UNC13C: variants seen among roughly 807,000 people sequenced by gnomAD.
UNC13C encodes unc-13 homolog C.
A neutral mutation model predicts 245.4 loss-of-function variants in UNC13C; 174 were observed. The ratio of observed to expected loss-of-function variants is 0.71; its 90% CI spans 0.63 to 0.80. The LOEUF (loss-of-function observed/expected upper bound fraction) is 0.80. Ranked by LOEUF, UNC13C falls within the 30% of genes least tolerant of loss-of-function variation. The pLI is 0.00. For missense variants in UNC13C, 2,829 were observed against 2,602.9 expected, an observed-to-expected ratio of 1.09 and a Z score of -1.89; for synonymous variants, 992 against 895.1, an observed-to-expected ratio of 1.11 and a Z score of -1.93.
At chr15:54,622,911 T>G (rs1900884847) in intron 31 of UNC13C, among the ~76,000 whole-genome samples, 1 of 152,166 alleles carries the variant, frequency 6.6e-6, no homozygotes, top group Admixed American at 6.6e-5. Context: ...GCTCGTTCTA[T>G]TTTTATATTA....
chr15:54,429,179 CTG>C (rs2040816943), intron 19 of UNC13C, among the ~76,000 whole-genome samples: 1 of 151,774 alleles, frequency 6.6e-6, no homozygotes, highest in African/African-American at 2.4e-5. Flanking sequence ...CAGCCACTCT[CTG>C]TCTTTCCCTC....
At chr15:54,163,373 T>C (rs902799305) in intron 4 of UNC13C, among the ~76,000 whole-genome samples, 8 of 152,174 alleles carry the variant, frequency 5.3e-5, no homozygotes, top group South Asian at 2.1e-4. Flanking sequence ...ACCTTAATTA[T>C]AGGATTTCTG....
chr15:54,578,543 T>C (rs562683689), intron 30 of UNC13C, among the ~76,000 whole-genome samples: 1 of 152,212 alleles, frequency 6.6e-6, no homozygotes, highest in Non-Finnish European at 1.5e-5. Flanking sequence ...AACATACATA[T>C]ATTTTCAAAA....
chr15:54,264,683 G>T (rs577493157), intron 9 of UNC13C, among the ~76,000 whole-genome samples: 174 of 151,820 alleles, frequency 1.1e-3, no homozygotes, highest in Non-Finnish European at 2.0e-3. Context: ...TTGCCTACCA[G>T]TGATAAATTA....
chr15:54,414,689 G>A (rs1224303914), intron 18 of UNC13C, among the ~76,000 whole-genome samples: 1 of 151,934 alleles, frequency 6.6e-6, no homozygotes, highest in South Asian at 2.1e-4. Flanking sequence ...AAGTGAAGGA[G>A]CTCTTGAGAC....
chr15:54,068,649 T>G (rs572688911), intron 2 of UNC13C, among the ~76,000 whole-genome samples: 4 of 152,302 alleles, frequency 2.6e-5, no homozygotes, highest in African/African-American at 9.6e-5. Context: ...TGATTATAAG[T>G]ATATAACTGG....
chr15:54,144,465 C>T (rs996295557), intron 4 of UNC13C, among the ~76,000 whole-genome samples: 2 of 151,838 alleles, frequency 1.3e-5, no homozygotes, highest in African/African-American at 2.4e-5. Context: ...TTACAATGGC[C>T]GTATGAGGTA....
chr15:54,209,550 TACAGGC>T, intron 4 of UNC13C, among the ~76,000 whole-genome samples: 2 of 152,076 alleles, frequency 1.3e-5, no homozygotes, highest in Middle Eastern at 6.8e-3. Context: ...ATAGCTGGAC[TACAGGC>T]ACAGGCCACC....
chr15:53,862,686 A>C, the UNC13C span, among the ~76,000 whole-genome samples: 1 of 152,166 alleles, frequency 6.6e-6, no homozygotes, highest in Non-Finnish European at 1.5e-5. Flanking sequence ...TCTGGTTGCT[A>C]CTAGAAACCT....
chr15:54,451,099 A>G (rs1318692849), intron 19 of UNC13C, among the ~76,000 whole-genome samples: 1 of 152,096 alleles, frequency 6.6e-6, no homozygotes. Context: ...ATTTTGTTAA[A>G]TAGAGTTTTT....
chr15:54,373,246 A>G (rs928803998), intron 17 of UNC13C, among the ~76,000 whole-genome samples: 4 of 152,174 alleles, frequency 2.6e-5, no homozygotes, highest in African/African-American at 9.7e-5. Flanking sequence ...AGAAGCAAGT[A>G]TTACAGGATA....
chr15:54,374,310 G>C (rs2039557637), intron 17 of UNC13C, among the ~76,000 whole-genome samples: 2 of 152,116 alleles, frequency 1.3e-5, no homozygotes, highest in African/African-American at 4.8e-5. Context: ...ACTGTCATCA[G>C]CCTGTCAGCC....
chr15:54,367,888 C>A (rs1310295329), intron 17 of UNC13C, among the ~76,000 whole-genome samples: 2 of 152,234 alleles, frequency 1.3e-5, no homozygotes, highest in South Asian at 4.1e-4. Flanking sequence ...GAAGTTTGTA[C>A]TTTATTTACG....
chr15:54,489,903 A>G (rs1596469954), intron 19 of UNC13C, among the ~76,000 whole-genome samples: 1 of 152,234 alleles, frequency 6.6e-6, no homozygotes, highest in South Asian at 2.1e-4. Flanking sequence ...TGTATCACCA[A>G]TTAACTCAAT....
chr15:54,059,824 G>C (rs62009794), intron 2 of UNC13C, among the ~76,000 whole-genome samples: 23,843 of 152,022 alleles, frequency 0.16, 1,974 homozygotes, highest in Admixed American at 0.2. Flanking sequence ...ATATCTACAA[G>C]TATCTGATCT....
chr15:54,566,072 C>T (rs540255533), intron 29 of UNC13C, among the ~76,000 whole-genome samples: 3 of 151,918 alleles, frequency 2.0e-5, no homozygotes, highest in Admixed American at 6.6e-5. Context: ...GAGTTCCCCC[C>T]CTACTCTTGG....
rs562307839 is a variant in UNC13C, at chr15:54,495,516, T to C, written c.5060+782T>C. Reference sequence around the variant, plus strand: ...ATGGGATAGCATTTGATGTAGACTTTATAAAATTTGCCAGGTTACAGAAAG... The same window carrying C: ...ATGGGATAGCATTTGATGTAGACTTCATAAAATTTGCCAGGTTACAGAAAG... On this transcript the variant is annotated intron_variant, in intron 20 of 32. Transcript: ENST00000260323. 9.9e-5 allele frequency among the ~76,000 whole-genome samples: 15 copies of C among 152,072 alleles called. No homozygotes were observed. In the East Asian group the frequency reaches 2.7e-3, roughly 27 times the overall value.
intron 2 of UNC13C, among the ~76,000 whole-genome samples, chr15:54,029,069 A>C (rs1441971067): frequency 6.6e-6 from 1 of 152,192 alleles, no homozygotes; most frequent in Non-Finnish European, 1.5e-5. Flanking sequence ...CTTCCTAAAC[A>C]TTTCTTAACT....
the UNC13C span, among the ~76,000 whole-genome samples, chr15:53,863,672 A>G: frequency 7.9e-5 from 12 of 152,220 alleles, no homozygotes; most frequent in South Asian, 8.3e-4. Context: ...TTAATACTCC[A>G]TAGAAGATTC....
Sources: allele counts gnomAD v4.1 joint callset (sites outside exome capture counted in the v4.1 genomes callset), GRCh38; gene constraint gnomAD v4.1.1; transcripts MANE v1.5; gene names NCBI Gene and HGNC (gene_info 2026-07-23, HGNC 2026-07-21).